ELMO1: variants seen among roughly 807,000 people sequenced by gnomAD.
The protein encoded by ELMO1 is engulfment and cell motility protein 1.
Under a neutral mutation model 98.9 loss-of-function variants are expected in ELMO1, and 26 were observed. The observed-to-expected ratio is 0.26, with a 90% CI of 0.19 to 0.36. The LOEUF is 0.36. ELMO1 is among the 10% of genes least tolerant of loss of function. The probability of loss-of-function intolerance (pLI) is 1.00; values close to 1 mark genes in which losing one functional copy is unlikely to be tolerated. For missense variants in ELMO1, 627 were observed against 935.2 expected (o/e 0.67, Z 4.30); for synonymous variants, 346 against 346.0 (o/e 1.00, Z 0.00).
At chr7:37,072,595 A>G (rs1797338866) in intron 15 of ELMO1, among the ~76,000 whole-genome samples, 1 of 152,224 alleles carries the variant, frequency 6.6e-6, no homozygotes, top group African/African-American at 2.4e-5. Context: ...TTAAAGCAGT[A>G]AACTACGTAA....
At chr7:37,276,789 G>A (rs563176349) in intron 4 of ELMO1, among the ~76,000 whole-genome samples, 1 of 152,360 alleles carries the variant, frequency 6.6e-6, no homozygotes, top group Admixed American at 6.5e-5. Context: ...TCTTCTGTAA[G>A]TTGACCGGCA....
At chr7:36,939,864 A>C (rs1786876993) in intron 16 of ELMO1, among the ~76,000 whole-genome samples, 1 of 152,252 alleles carries the variant, frequency 6.6e-6, no homozygotes, top group African/African-American at 2.4e-5. Flanking sequence ...ATAAGAAAAC[A>C]AATTTCCTGT....
chr7:37,082,937 T>C (rs1477369034), intron 15 of ELMO1, among the ~76,000 whole-genome samples: 1 of 152,176 alleles, frequency 6.6e-6, no homozygotes, highest in East Asian at 1.9e-4. Flanking sequence ...TATACATATG[T>C]CACTCAAGAA....
At chr7:36,927,085 T>C (rs1387678954) in intron 16 of ELMO1, among the ~76,000 whole-genome samples, 1 of 152,180 alleles carries the variant, frequency 6.6e-6, no homozygotes, top group African/African-American at 2.4e-5. Flanking sequence ...TTAGGAACAT[T>C]TTAAAATGCT....
At chr7:37,060,288 G>A (rs1309110301) in intron 15 of ELMO1, among the ~76,000 whole-genome samples, 1 of 152,114 alleles carries the variant, frequency 6.6e-6, no homozygotes, top group African/African-American at 2.4e-5. Flanking sequence ...AATTTTAAAC[G>A]ATAGACCAAA....
chr7:36,885,508 C>T (rs2041800), intron 18 of ELMO1, among the ~76,000 whole-genome samples: 69,115 of 152,030 alleles, frequency 0.45, 17,246 homozygotes, highest in Non-Finnish European at 0.56. Flanking sequence ...TGGGCAGCAG[C>T]GGAGGCAATG....
At chr7:37,008,582 T>C (rs968642644) in intron 16 of ELMO1, among the ~76,000 whole-genome samples, 3 of 152,174 alleles carry the variant, frequency 2.0e-5, no homozygotes, top group Non-Finnish European at 4.4e-5. Context: ...AAAAGAACAC[T>C]CCACAACTAC....
intron 1 of ELMO1, among the ~76,000 whole-genome samples, chr7:37,377,976 T>C (rs1802422246): frequency 6.6e-6 from 1 of 152,244 alleles, no homozygotes; most frequent in South Asian, 2.1e-4. Context: ...TCTTTTCTCC[T>C]TTTAGTCTGT....
At chr7:37,196,430 T>C (rs1303906686) in intron 13 of ELMO1, among the ~76,000 whole-genome samples, 5 of 152,144 alleles carry the variant, frequency 3.3e-5, no homozygotes, top group Non-Finnish European at 7.3e-5. Flanking sequence ...GGGTTTAGCT[T>C]GAGATTCAGG....
chr7:37,311,132 T>C (rs1798869451), intron 4 of ELMO1, among the ~76,000 whole-genome samples: 1 of 149,958 alleles, frequency 6.7e-6, no homozygotes, highest in African/African-American at 2.4e-5. Flanking sequence ...TGAATGCTAC[T>C]TAACATGACA....
chr7:37,348,600 A>G (rs919157460), intron 1 of ELMO1, among the ~76,000 whole-genome samples: 2 of 152,150 alleles, frequency 1.3e-5, no homozygotes, highest in African/African-American at 4.8e-5. Context: ...TCTGTATAGC[A>G]GTAACATCTG....
chr7:37,315,825 T>C, intron 3 of ELMO1, 95 bp downstream of exon 3: 2 of 1,142,570 alleles, frequency 1.8e-6, no homozygotes, highest in South Asian at 2.7e-5. Context: ...AGTGGGTGAC[T>C]TATGAATAAT....
intron 16 of ELMO1, among the ~76,000 whole-genome samples, chr7:36,932,363 C>T (rs62445762): frequency 0.028 from 4,244 of 152,254 alleles, 89 homozygotes; most frequent in Non-Finnish European, 0.041. Flanking sequence ...TCTGTCACTT[C>T]CAGTTTCATG....
intron 1 of ELMO1, among the ~76,000 whole-genome samples, chr7:37,371,713 G>C (rs1383211081): frequency 6.6e-6 from 1 of 152,182 alleles, no homozygotes; most frequent in African/African-American, 2.4e-5. Flanking sequence ...GTAACTTCCA[G>C]ATTGAATAGC....
At chr7:36,952,589 G>A (rs1047725146) in intron 16 of ELMO1, among the ~76,000 whole-genome samples, 1 of 152,098 alleles carries the variant, frequency 6.6e-6, no homozygotes, top group African/African-American at 2.4e-5. Flanking sequence ...TGAAAGGGAC[G>A]GGATACATTC....
intron 15 of ELMO1, among the ~76,000 whole-genome samples, chr7:37,082,277 G>A (rs1418440674): frequency 6.6e-6 from 1 of 151,736 alleles, no homozygotes; most frequent in Non-Finnish European, 1.5e-5. Context: ...CAGTTGGGCA[G>A]AAAATGATGA....
chr7:37,099,371 T>G (rs1227877016), intron 14 of ELMO1, among the ~76,000 whole-genome samples: 1 of 152,244 alleles, frequency 6.6e-6, no homozygotes, highest in Non-Finnish European at 1.5e-5. Context: ...CAATAGCTTT[T>G]ATTTAACACA....
At chr7:37,099,471 A>G (rs914017986) in intron 14 of ELMO1, among the ~76,000 whole-genome samples, 1 of 152,224 alleles carries the variant, frequency 6.6e-6, no homozygotes, top group African/African-American at 2.4e-5. Flanking sequence ...ATATCAAAGC[A>G]TATTTTTCAT....
chr7:37,149,003 G>A (rs188214935), intron 13 of ELMO1, among the ~76,000 whole-genome samples: 4 of 152,332 alleles, frequency 2.6e-5, no homozygotes, highest in African/African-American at 7.2e-5. Flanking sequence ...AATCCATCAT[G>A]AAGCCCATTC....
Sources: allele counts gnomAD v4.1 joint callset (sites outside exome capture counted in the v4.1 genomes callset), GRCh38; gene constraint gnomAD v4.1.1; transcripts MANE v1.5; gene names NCBI Gene and HGNC (gene_info 2026-07-23, HGNC 2026-07-21).